The following CELF2 variants were observed in gnomAD, a reference collection of about 807,000 sequenced individuals.
CELF2 encodes CUG triplet repeat RNA-binding protein 2.
Under a neutral mutation model 62.6 loss-of-function variants are expected in CELF2, and 8 were observed. That is an observed-to-expected ratio of 0.13 (90% CI 0.07 to 0.23). The LOEUF (loss-of-function observed/expected upper bound fraction) is 0.23. CELF2 is among the 10% of genes least tolerant of loss of function. CELF2 has a pLI of 1.00. For missense variants in CELF2, 333 were observed against 671.0 expected (o/e 0.50, Z 5.56); for synonymous variants, 258 against 250.0 (o/e 1.03, Z -0.30).
intron 1 of CELF2, among the ~76,000 whole-genome samples, chr10:10,809,522 C>T (rs2055618179): frequency 6.6e-6 from 1 of 152,194 alleles, no homozygotes; most frequent in South Asian, 2.1e-4. Context: ...CAAAATTTCT[C>T]TTTTCCTTAG....
chr10:10,752,976 C>T, the CELF2 span, among the ~76,000 whole-genome samples: 5 of 152,088 alleles, frequency 3.3e-5, no homozygotes, highest in East Asian at 1.9e-4. Flanking sequence ...CATCACATAA[C>T]GTACTTAAAG....
chr10:10,640,227 G>A, the CELF2 span, among the ~76,000 whole-genome samples: 1 of 152,204 alleles, frequency 6.6e-6, no homozygotes, highest in Non-Finnish European at 1.5e-5. Flanking sequence ...GCATCTGTGA[G>A]CCTCTAATAA....
chr10:10,622,015 C>T, the CELF2 span, among the ~76,000 whole-genome samples: 1 of 152,128 alleles, frequency 6.6e-6, no homozygotes, highest in Admixed American at 6.5e-5. Context: ...AGATGAAAAA[C>T]GAAGTAATTC....
chr10:10,991,385 G>A (rs2053426217), intron 2 of CELF2, among the ~76,000 whole-genome samples: 1 of 152,190 alleles, frequency 6.6e-6, no homozygotes, highest in African/African-American at 2.4e-5. Flanking sequence ...GATGTGACAA[G>A]AGTCTCAGTG....
intron 1 of CELF2, among the ~76,000 whole-genome samples, chr10:10,843,902 AT>A (rs1050762648): frequency 1.3e-5 from 2 of 151,928 alleles, no homozygotes; most frequent in South Asian, 2.1e-4. Flanking sequence ...AATTACTAAG[AT>A]TTTTTTTCAT....
At chr10:11,258,153 T>C (rs1209215044) in intron 5 of CELF2, among the ~76,000 whole-genome samples, 1 of 152,230 alleles carries the variant, frequency 6.6e-6, no homozygotes, top group Non-Finnish European at 1.5e-5. Flanking sequence ...AATCTCATAT[T>C]GAAATGGATT....
chr10:10,576,133 G>T, the CELF2 span, among the ~76,000 whole-genome samples: 1 of 152,054 alleles, frequency 6.6e-6, no homozygotes, highest in African/African-American at 2.4e-5. Flanking sequence ...TCTGTTTCTC[G>T]CATGGCCAGA....
At chr10:10,895,673 T>C (rs2062495472) in intron 1 of CELF2, among the ~76,000 whole-genome samples, 1 of 152,184 alleles carries the variant, frequency 6.6e-6, no homozygotes, top group South Asian at 2.1e-4. Flanking sequence ...CTGACCCAGA[T>C]GGAGTATCAT....
At chr10:10,865,741 A>G (rs1211398955) in intron 1 of CELF2, among the ~76,000 whole-genome samples, 1 of 152,072 alleles carries the variant, frequency 6.6e-6, no homozygotes, top group African/African-American at 2.4e-5. Context: ...TGTGCTATTC[A>G]TCCATTTTTG....
the CELF2 span, among the ~76,000 whole-genome samples, chr10:10,558,483 G>A: frequency 6.6e-6 from 1 of 151,836 alleles, no homozygotes. Flanking sequence ...CAAGGATATT[G>A]GCCTAAAATT....
chr10:11,110,953 C>T lies in CELF2; in HGVS notation c.75-54533C>T, dbSNP rs2054997739. 6.6e-6 allele frequency among the ~76,000 whole-genome samples: 1 copy of T among 152,138 alleles called. No homozygotes were observed. The highest frequency in any genetic ancestry group is 2.4e-5 in the African/African-American group (1 of 41,422). Reference sequence around the variant, plus strand: ...AAAACTGGAATTACAGAACGTCCAGCAAGGCCCTTTTGGGAGAAGGGTTAT... The same window carrying T: ...AAAACTGGAATTACAGAACGTCCAGTAAGGCCCTTTTGGGAGAAGGGTTAT... On this transcript the variant is annotated intron_variant, in intron 1 of 12. Coordinates refer to ENST00000633077, the MANE Select transcript of CELF2 (RefSeq NM_001326342.2). The surrounding 1 kb of genome is among the most constrained non-coding windows in gnomAD (Gnocchi z 4.0).
chr10:10,719,037 GT>G, the CELF2 span, among the ~76,000 whole-genome samples: 1 of 141,518 alleles, frequency 7.1e-6, no homozygotes, highest in East Asian at 2.0e-4. Context: ...CCAGGCTGGA[GT>G]ACAGTGGCAC....
At chr10:10,749,668 G>A in the CELF2 span, among the ~76,000 whole-genome samples, 13 of 152,184 alleles carry the variant, frequency 8.5e-5, no homozygotes, top group East Asian at 5.8e-4. Flanking sequence ...AAGGCTGCTC[G>A]GATGCATTTG....
rs912180176 is a variant in CELF2 at position 11,227,730 on chromosome 10, G to C, written c.354+10223G>C. On this transcript the variant is annotated intron_variant, in intron 3 of 12. Transcript: ENST00000633077. This position sits in a 1 kb window ranked among gnomAD's most constrained non-coding sequence, Gnocchi z 4.8. The stretch of plus-strand genomic sequence containing the variant: ...GTCATGGTGGCCTCTGGCAGCTTGG[G>C]TTAGACCAGGTGGTTATTTGCCACC... Among the ~76,000 whole-genome samples, 5 of 152,194 alleles carry C rather than the reference G, an allele frequency of 3.3e-5. No individual in the cohort carries two copies. In the South Asian group the frequency reaches 1.0e-3, roughly 32 times the overall value.
rs1012115050 is a variant in CELF2, at chr10:11,046,341, C to G, written c.74+28178C>G. Reference sequence around the variant, plus strand: ...CGGTCAGAAAATCACAGATTGCCAACTGCTGCTGGATGCAATTTGGATCTC... The same window carrying G: ...CGGTCAGAAAATCACAGATTGCCAAGTGCTGCTGGATGCAATTTGGATCTC... On this transcript the variant is annotated intron_variant, in intron 1 of 12. Transcript: ENST00000633077. The surrounding 1 kb of genome is among the most constrained non-coding windows in gnomAD (Gnocchi z 4.6). Among the ~76,000 whole-genome samples, 4 of 152,214 alleles carry G rather than the reference C, an allele frequency of 2.6e-5. No individual in the cohort carries two copies. The highest frequency in any genetic ancestry group is 4.8e-5 in the African/African-American group (2 of 41,444).
intron 1 of CELF2, among the ~76,000 whole-genome samples, chr10:10,811,719 C>G (rs1402526615): frequency 6.6e-6 from 1 of 152,100 alleles, no homozygotes; most frequent in African/African-American, 2.4e-5. Context: ...CCTTCTGAGG[C>G]AGACACTTTA....
chr10:10,785,565 A>C, the CELF2 span, among the ~76,000 whole-genome samples: 1 of 152,206 alleles, frequency 6.6e-6, no homozygotes, highest in African/African-American at 2.4e-5. Context: ...AGATCCTGTT[A>C]TTTGTGACAA....
At chr10:10,765,755 C>T in the CELF2 span, among the ~76,000 whole-genome samples, 3 of 152,174 alleles carry the variant, frequency 2.0e-5, no homozygotes, top group Non-Finnish European at 4.4e-5. Context: ...TTGTCCATTG[C>T]TTATCTGAAG....
chr10:10,498,489 G>T, the CELF2 span, among the ~76,000 whole-genome samples: 1 of 152,216 alleles, frequency 6.6e-6, no homozygotes, highest in African/African-American at 2.4e-5. Flanking sequence ...GTGGTTAAAA[G>T]GACAGTAAGA....
Sources: allele counts gnomAD v4.1 joint callset (sites outside exome capture counted in the v4.1 genomes callset), GRCh38; gene constraint gnomAD v4.1.1; non-coding constraint Gnocchi (gnomAD v3.1); transcripts MANE v1.5; gene names NCBI Gene and HGNC (gene_info 2026-07-23, HGNC 2026-07-21).